Variants in PTPN3 observed in about 807,000 individuals in gnomAD.
The protein encoded by PTPN3 is tyrosine-protein phosphatase non-receptor type 3.
A neutral mutation model predicts 132.7 loss-of-function variants in PTPN3; 96 were observed. The ratio of observed to expected loss-of-function variants is 0.72; its 90% confidence interval spans 0.61 to 0.86. The LOEUF is 0.86. Ranked by LOEUF, PTPN3 falls within the 40% of genes least tolerant of loss-of-function variation. The probability of loss-of-function intolerance (pLI) is 0.00; values close to 1 mark genes in which losing one functional copy is unlikely to be tolerated. For synonymous variants in PTPN3, 398 were observed against 429.0 expected, an observed-to-expected ratio of 0.93 and a Z score of 0.89; for missense variants, 1,125 against 1,159.6, an observed-to-expected ratio of 0.97 and a Z score of 0.43.
At chr9:109,420,837 C>T (rs1409780270) in intron 13 of PTPN3, among the ~76,000 whole-genome samples, 1 of 152,162 alleles carries the variant, frequency 6.6e-6, no homozygotes, top group Non-Finnish European at 1.5e-5. Flanking sequence ...GCTGTATAAA[C>T]AGGCAGAATT....
Position 109,404,622 on chromosome 9 carries a change from G to T in PTPN3, c.1793-14C>A. 6.8e-7 allele frequency: 1 copy of T among 1,461,490 alleles called. No homozygotes were observed. The highest frequency in any genetic ancestry group is 9.2e-7 in the Non-Finnish European group (1 of 1,088,002). The allele number at this position is 1,461,490 out of a possible 1,614,324, so 90.5% of individuals were successfully genotyped here. On this transcript the variant is annotated splice_polypyrimidine_tract_variant and intron_variant, in intron 18 of 25. Transcript: ENST00000374541. ...ATGAGCGGACAGCTGTAACGTACAA[G>T]ACAGTGCATCTGACTTGTGTAGCAA... is the stretch of plus-strand genomic sequence containing the variant.
At chr9:109,433,296 CA>C in intron 9 of PTPN3, 135 bp from the exon 10 acceptor site, 1 of 1,348,574 alleles carries the variant, frequency 7.4e-7, no homozygotes, top group Non-Finnish European at 9.7e-7. Flanking sequence ...TGAAAACAGG[CA>C]AAAAGCCCCA....
At chr9:109,405,536 C>CA (rs1244203934) in intron 18 of PTPN3, among the ~76,000 whole-genome samples, 1 of 152,218 alleles carries the variant, frequency 6.6e-6, no homozygotes, top group Non-Finnish European at 1.5e-5. Flanking sequence ...GGCTGTCCTT[C>CA]AAACCTCTGC....
At chr9:109,501,361 C>T (rs1024137518), upstream of PTPN3, among the ~76,000 whole-genome samples, 2 of 152,152 alleles carry the variant, frequency 1.3e-5, no homozygotes, top group Admixed American at 6.5e-5. Context: ...TTTTAGGACA[C>T]ACTGCCTCTC....
At chr9:109,522,348 G>C in the PTPN3 span, among the ~76,000 whole-genome samples, 1 of 152,130 alleles carries the variant, frequency 6.6e-6, no homozygotes, top group Non-Finnish European at 1.5e-5. Flanking sequence ...AGACAGTTTC[G>C]AAGTCCAGGG....
chr9:109,476,326 T>C (rs961000530), intron 1 of PTPN3, among the ~76,000 whole-genome samples: 1 of 149,658 alleles, frequency 6.7e-6, no homozygotes, highest in African/African-American at 2.5e-5. Context: ...TAGGAACAAA[T>C]GAATGAAATG....
chr9:109,444,787 G>C (rs2131972229), intron 7 of PTPN3, among the ~76,000 whole-genome samples: 1 of 152,274 alleles, frequency 6.6e-6, no homozygotes, highest in African/African-American at 2.4e-5. Flanking sequence ...GATCCCAGTA[G>C]TGTTTTAGAG....
the PTPN3 span, among the ~76,000 whole-genome samples, chr9:109,517,634 G>A: frequency 2.6e-5 from 4 of 152,196 alleles, no homozygotes; most frequent in African/African-American, 4.8e-5. Flanking sequence ...CTGGGTTGGA[G>A]CCCAGGAAGT....
intron 22 of PTPN3, among the ~76,000 whole-genome samples, chr9:109,388,076 G>A (rs974353902): frequency 5.9e-5 from 9 of 152,188 alleles, no homozygotes; most frequent in African/African-American, 1.9e-4. Context: ...CACCTGCTGG[G>A]AGTCCCACTC....
intron 1 of PTPN3, among the ~76,000 whole-genome samples, chr9:109,482,877 A>C (rs533263835): frequency 1.3e-5 from 2 of 152,220 alleles, no homozygotes; most frequent in South Asian, 2.1e-4. Context: ...TGAAACTGAC[A>C]TTAACCCACA....
chr9:109,531,199 C>G, the PTPN3 span, among the ~76,000 whole-genome samples: 1 of 152,206 alleles, frequency 6.6e-6, no homozygotes, highest in Non-Finnish European at 1.5e-5. Flanking sequence ...TCATCTCGAT[C>G]TAACCCCTAA....
At chr9:109,493,822 A>G (rs1252328730) in intron 1 of PTPN3, among the ~76,000 whole-genome samples, 1 of 152,220 alleles carries the variant, frequency 6.6e-6, no homozygotes, top group Admixed American at 6.5e-5. Flanking sequence ...CAATCAGAGC[A>G]TCACCCACAG....
chr9:109,420,745 A>T (rs1195365169), intron 13 of PTPN3, 145 bp from the exon 14 acceptor site: 2 of 839,612 alleles, frequency 2.4e-6, no homozygotes, highest in Non-Finnish European at 3.6e-6. Flanking sequence ...TTAACTCATT[A>T]CTACCCCAGC....
the PTPN3 span, among the ~76,000 whole-genome samples, chr9:109,506,529 T>G: frequency 1.3e-5 from 2 of 150,678 alleles, no homozygotes; most frequent in Non-Finnish European, 3.0e-5. Flanking sequence ...CCTTCCTTCC[T>G]CCCTCCCTCC....
intron 19 of PTPN3, 23 bp from the exon 20 acceptor site, chr9:109,391,584 A>G (rs956450261): frequency 1.3e-6 from 2 of 1,570,694 alleles, no homozygotes; most frequent in Non-Finnish European, 8.7e-7. Context: ...TAGAGAAAAA[A>G]GCAAGCATTG....
chr9:109,434,934 C>G (rs1351478978), intron 9 of PTPN3, among the ~76,000 whole-genome samples: 1 of 152,120 alleles, frequency 6.6e-6, no homozygotes, highest in Non-Finnish European at 1.5e-5. Context: ...ACGGGACAAA[C>G]AAAACAGTGC....
intron 19 of PTPN3, among the ~76,000 whole-genome samples, chr9:109,391,895 C>T (rs997745073): frequency 4.5e-5 from 6 of 133,770 alleles, no homozygotes; most frequent in African/African-American, 8.6e-5. Flanking sequence ...AGAATTCTGG[C>T]TCAAAATTAA....
chr9:109,478,039 A>C (rs1386633039), intron 1 of PTPN3, among the ~76,000 whole-genome samples: 1 of 152,220 alleles, frequency 6.6e-6, no homozygotes, highest in Non-Finnish European at 1.5e-5. Context: ...TGGAGGATCC[A>C]GGACAGCCTC....
chr9:109,523,397 A>AG, the PTPN3 span, among the ~76,000 whole-genome samples: 1 of 152,208 alleles, frequency 6.6e-6, no homozygotes, highest in Non-Finnish European at 1.5e-5. Flanking sequence ...TACAGGCATG[A>AG]GCCACTGTGC....
Sources: gnomAD v4.1 joint callset for allele counts (sites outside exome capture counted in the v4.1 genomes callset) on GRCh38, gnomAD v4.1.1 for gene constraint, MANE v1.5 for transcripts, NCBI Gene and HGNC (gene_info 2026-07-23, HGNC 2026-07-21) for gene names.